The following CCDC175 variants were observed in gnomAD, a reference collection of about 807,000 sequenced individuals.
CCDC175 encodes the protein coiled-coil domain containing 175, also known as coiled-coil domain-containing protein 175.
Under a neutral mutation model 114.6 loss-of-function variants are expected in CCDC175, and 100 were observed. The observed-to-expected ratio is 0.87, with a 90% confidence interval of 0.74 to 1.03. The LOEUF (loss-of-function observed/expected upper bound fraction) is 1.03, where lower values mean the gene tolerates loss of function less well. Ranked by LOEUF, CCDC175 falls within the 50% of genes least tolerant of loss-of-function variation. CCDC175 has a pLI of 0.00. For missense variants in CCDC175, 880 were observed against 917.8 expected (o/e 0.96, Z 0.53); for synonymous variants, 306 against 308.7 (o/e 0.99, Z 0.09).
At chr14:59,555,401 C>T (rs969414660) in intron 7 of CCDC175, among the ~76,000 whole-genome samples, 1 of 152,110 alleles carries the variant, frequency 6.6e-6, no homozygotes, top group Non-Finnish European at 1.5e-5. Flanking sequence ...AGGCCTTTGA[C>T]AAAATTCAAC....
chr14:59,544,267 A>G lies in CCDC175; in HGVS notation c.1173-813T>C, dbSNP rs927391277. 2.0e-5 allele frequency among the ~76,000 whole-genome samples: 3 copies of G among 152,112 alleles called. No homozygotes were observed. In the South Asian group the frequency reaches 6.2e-4, roughly 32 times the overall value. ...CTGTAACCTCCGCCTCCTGGGTTGA[A>G]GCGATTCTCCTGCCTCAGCTTTCAG... On this transcript the variant is annotated intron_variant, in intron 9 of 19. Transcript: ENST00000537690.
At chr14:59,525,498 C>G (rs1338255131) in intron 15 of CCDC175, 64 bp from the exon 16 acceptor site, 2 of 1,112,746 alleles carry the variant, frequency 1.8e-6, no homozygotes, top group Non-Finnish European at 2.5e-6. Context: ...GGGTATTATA[C>G]TGCCTAGGTC....
chr14:59,514,990 G>A (rs1594980387), intron 17 of CCDC175, among the ~76,000 whole-genome samples: 2 of 152,326 alleles, frequency 1.3e-5, no homozygotes, highest in African/African-American at 2.4e-5. Flanking sequence ...CTACAAGCCA[G>A]AAGAGAGTGG....
In CCDC175 at chr14:59,507,716, G is replaced by A. The variant is rs145841847; in HGVS notation, c.2306-2401C>T. Reference sequence around the variant, plus strand: ...GGAGGGTGGTAGGTTTCAGGGATCTGATGAGTGCCTAATATGGGTCTGGTG... The same window carrying A: ...GGAGGGTGGTAGGTTTCAGGGATCTAATGAGTGCCTAATATGGGTCTGGTG... On this transcript the variant is annotated intron_variant, in intron 19 of 19. Coordinates refer to ENST00000537690, the MANE Select transcript of CCDC175 (RefSeq NM_001164399.2). Among the ~76,000 whole-genome samples, 45 of 152,328 alleles carry A rather than the reference G, an allele frequency of 3.0e-4. No homozygotes were observed. The East Asian group carries it at 6.4e-3, about 22-fold the overall frequency.
chr14:59,555,905 C>G (rs1417851808), intron 7 of CCDC175, among the ~76,000 whole-genome samples: 1 of 152,148 alleles, frequency 6.6e-6, no homozygotes, highest in Non-Finnish European at 1.5e-5. Flanking sequence ...ATCCAACTTA[C>G]AAGGGATGTG....
rs569857375 is a variant in CCDC175, at chr14:59,549,155, T to C, written c.1035+2200A>G. ...TGTGAATTTTATATCCTGGTTGACT[T>C]GGGCAAAACAAAGATAGAGGATGTA... On this transcript the variant is annotated intron_variant, in intron 8 of 19. Coordinates refer to ENST00000537690, the MANE Select transcript of CCDC175 (RefSeq NM_001164399.2). 1.4e-4 allele frequency among the ~76,000 whole-genome samples: 21 copies of C among 152,318 alleles called. No homozygotes were observed. The East Asian group carries it at 3.9e-3, about 28-fold the overall frequency.
intron 3 of CCDC175, among the ~76,000 whole-genome samples, chr14:59,571,382 T>G (rs983667670): frequency 6.6e-6 from 1 of 152,132 alleles, no homozygotes; most frequent in African/African-American, 2.4e-5. Flanking sequence ...TGGTTAACAT[T>G]CAGAATACAT....
At chr14:59,571,088 C>A (rs1276735575) in intron 3 of CCDC175, among the ~76,000 whole-genome samples, 2 of 144,206 alleles carry the variant, frequency 1.4e-5, no homozygotes, top group African/African-American at 5.2e-5. Context: ...ACTCAGCCAA[C>A]AACATTCCTG....
chr14:59,542,505 T>G (rs576983530), intron 10 of CCDC175, among the ~76,000 whole-genome samples: 4 of 152,232 alleles, frequency 2.6e-5, no homozygotes, highest in African/African-American at 9.6e-5. Context: ...TAGAGAGAGA[T>G]ATGTTAACTT....
At chr14:59,545,426 G>T (rs868753766) in intron 8 of CCDC175, 127 bp from the exon 9 acceptor site, 1 of 691,138 alleles carries the variant, frequency 1.4e-6, no homozygotes, top group Middle Eastern at 2.8e-4. Flanking sequence ...TGCCATAAAT[G>T]CCGAGTGATT....
chr14:59,527,828 T>C (rs1893839598), intron 14 of CCDC175, among the ~76,000 whole-genome samples: 1 of 152,172 alleles, frequency 6.6e-6, no homozygotes, highest in South Asian at 2.1e-4. Flanking sequence ...CCCTCTGAGA[T>C]ATGCCTTCTG....
intron 17 of CCDC175, among the ~76,000 whole-genome samples, chr14:59,516,031 C>G (rs1357462163): frequency 1.3e-5 from 2 of 152,214 alleles, no homozygotes; most frequent in Non-Finnish European, 2.9e-5. Context: ...AATCGCTCAA[C>G]TACTTGGAAA....
chr14:59,540,451 C>A (rs1894701987), intron 11 of CCDC175, among the ~76,000 whole-genome samples: 1 of 151,498 alleles, frequency 6.6e-6, no homozygotes, highest in East Asian at 2.0e-4. Context: ...TCTTTGGTGA[C>A]CGCACTTGAT....
chr14:59,512,446 G>A (rs1203455980), intron 17 of CCDC175, among the ~76,000 whole-genome samples: 2 of 152,162 alleles, frequency 1.3e-5, no homozygotes, highest in Non-Finnish European at 2.9e-5. Context: ...CTTTGTATGT[G>A]GAGTCACACG....
chr14:59,538,101 A>C lies in CCDC175; in HGVS notation c.1545T>G (p.Leu515=). ...ISGFVAQIEK[L]TTELKEEEKA... The stretch of plus-strand genomic sequence containing the variant: ...TCTCCTCTTCTTTTAATTCTGTTGT[A>C]AGTTTTTCAATCTGTGCCACAAATC... Residue 515 remains leucine, a synonymous_variant, in exon 13 of 20, where the codon CTT becomes CTG. Coordinates refer to ENST00000537690, the MANE Select transcript of CCDC175 (RefSeq NM_001164399.2). 2 of 1,533,588 alleles carry C rather than the reference A, an allele frequency of 1.3e-6. No homozygotes were observed. Among genetic ancestry groups the C allele is most frequent in the Non-Finnish European group, 1.7e-6 (2 of 1,143,742 alleles). 95.0% of individuals were successfully genotyped at this position (1,533,588 alleles called of 1,614,324 possible).
intron 7 of CCDC175, among the ~76,000 whole-genome samples, chr14:59,556,382 T>C (rs1016298366): frequency 1.3e-5 from 2 of 152,202 alleles, no homozygotes; most frequent in African/African-American, 2.4e-5. Flanking sequence ...ATTTAATAAA[T>C]GGTGCTGGGA....
chr14:59,575,190 T>A (rs1330159067), intron 1 of CCDC175, among the ~76,000 whole-genome samples, 162 bp from the exon 2 acceptor site: 1 of 152,252 alleles, frequency 6.6e-6, no homozygotes, highest in Non-Finnish European at 1.5e-5. Context: ...TATTTCCTAT[T>A]CCATAATGTT....
At chr14:59,515,423 T>A (rs995005888) in intron 17 of CCDC175, among the ~76,000 whole-genome samples, 1 of 152,176 alleles carries the variant, frequency 6.6e-6, no homozygotes, top group African/African-American at 2.4e-5. Flanking sequence ...AGGAGACCCA[T>A]CTCACATGCA....
In CCDC175 at chr14:59,523,858, G is replaced by A. The variant is rs896004127; in HGVS notation, c.1995+1424C>T. Among the ~76,000 whole-genome samples the A allele has an allele frequency of 1.4e-4, 22 of 152,138 alleles. No individual in the cohort carries two copies. The South Asian group carries it at 3.1e-3, about 22-fold the overall frequency. The stretch of plus-strand genomic sequence containing the variant: ...CAAAAAATTAGCCGGGCATGGTGGC[G>A]GGCACCTGTAGTCCCAGCTACTCGG... On this transcript the variant is annotated intron_variant, in intron 16 of 19. Transcript: ENST00000537690.
Sources: allele counts gnomAD v4.1 joint callset (sites outside exome capture counted in the v4.1 genomes callset), GRCh38; gene constraint gnomAD v4.1.1; transcripts MANE v1.5; gene names NCBI Gene and HGNC (gene_info 2026-07-23, HGNC 2026-07-21).